CDH8: variants seen among roughly 807,000 people sequenced by gnomAD.
CDH8 encodes the protein cadherin 8, also known as cadherin-8.
A neutral mutation model predicts 68.1 loss-of-function variants in CDH8; 17 were observed. The ratio of observed to expected loss-of-function variants is 0.25; its 90% CI spans 0.17 to 0.37. The LOEUF (loss-of-function observed/expected upper bound fraction) is 0.37. Among genes scored for constraint, CDH8 ranks in the 10% least tolerant of loss-of-function variants. CDH8 has a pLI of 1.00. For synonymous variants in CDH8, 372 were observed against 365.1 expected, an observed-to-expected ratio of 1.02 and a Z score of -0.21; for missense variants, 763 against 999.3, an observed-to-expected ratio of 0.76 and a Z score of 3.19.
intron 2 of CDH8, among the ~76,000 whole-genome samples, chr16:61,919,352 C>T (rs1170302756): frequency 1.4e-5 from 2 of 147,980 alleles, no homozygotes; most frequent in African/African-American, 5.0e-5. Flanking sequence ...AGGCTTCAGA[C>T]GATCAAATTA....
chr16:61,995,096 C>T (rs182666251), intron 2 of CDH8, among the ~76,000 whole-genome samples: 2 of 152,086 alleles, frequency 1.3e-5, no homozygotes, highest in Non-Finnish European at 2.9e-5. Context: ...CCAAGGTACT[C>T]GCAGGTAAAA....
Position 61,747,154 on chromosome 16 carries a change from G to A in CDH8, c.1415-19939C>T, listed in dbSNP as rs115399229. On this transcript the variant is annotated intron_variant, in intron 8 of 11. Coordinates refer to ENST00000577390, the MANE Select transcript of CDH8 (RefSeq NM_001796.5). ...TGAATTAGTATCCATAAAATCATCC[G>A]TCCATCTATGCATGTTAGAAAGGTA... 8.6e-3 allele frequency among the ~76,000 whole-genome samples: 1,308 copies of A among 152,072 alleles called. 28 individuals carry two copies. Among genetic ancestry groups the A allele is most frequent in the African/African-American group, 0.029 (1,215 of 41,502 alleles).
At chr16:61,762,408 A>G (rs1417894535) in intron 8 of CDH8, among the ~76,000 whole-genome samples, 1 of 152,178 alleles carries the variant, frequency 6.6e-6, no homozygotes. Flanking sequence ...GAAAATAGAG[A>G]GTCTAAGTAA....
intron 8 of CDH8, among the ~76,000 whole-genome samples, chr16:61,732,144 T>A: frequency 6.6e-6 from 1 of 151,520 alleles, no homozygotes; most frequent in East Asian, 1.9e-4. Context: ...GTGTCATATA[T>A]GCATAATAGT....
chr16:61,787,731 C>T (rs1961262686), intron 8 of CDH8, among the ~76,000 whole-genome samples: 1 of 149,870 alleles, frequency 6.7e-6, no homozygotes, highest in Non-Finnish European at 1.5e-5. Flanking sequence ...GAAAATGTGG[C>T]ACATATACAT....
chr16:61,652,691 C>G lies in CDH8; in HGVS notation c.*917G>C. The G allele has an allele frequency of 8.1e-7, 1 of 1,232,232 alleles. No individual in the cohort carries two copies. Among genetic ancestry groups the G allele is most frequent in the Non-Finnish European group, 1.0e-6 (1 of 978,678 alleles). The allele number at this position is 1,232,232 out of a possible 1,614,324, so 76.3% of individuals were successfully genotyped here. A position where few individuals can be genotyped will look rare whatever the true frequency, so the allele number is the denominator to read the frequency against. On this transcript the variant is annotated 3_prime_UTR_variant, in exon 12 of 12. Coordinates refer to ENST00000577390, the MANE Select transcript of CDH8 (RefSeq NM_001796.5). Reference sequence around the variant, plus strand: ...TAATGGATATAATTTAGTTTTTTCCCATATATCCCCTTAATCTATAGATTA... The same window carrying G: ...TAATGGATATAATTTAGTTTTTTCCGATATATCCCCTTAATCTATAGATTA...
chr16:61,878,795 A>T (rs1180098074), intron 3 of CDH8, among the ~76,000 whole-genome samples: 3 of 152,218 alleles, frequency 2.0e-5, no homozygotes, highest in Admixed American at 2.0e-4. Context: ...TTTTACAAAT[A>T]ATCAGTAGGA....
intron 10 of CDH8, among the ~76,000 whole-genome samples, chr16:61,669,648 G>C (rs1251339583): frequency 6.6e-6 from 1 of 152,040 alleles, no homozygotes; most frequent in Admixed American, 6.6e-5. Context: ...TTATCCTCTT[G>C]TGGTGATCCT....
rs180799404 is a variant in CDH8, at chr16:61,929,977, T to C, written c.253-28504A>G. Among the ~76,000 whole-genome samples, 7 of 152,262 alleles carry C rather than the reference T, an allele frequency of 4.6e-5. No individual in the cohort carries two copies. The East Asian group carries it at 1.4e-3, about 29-fold the overall frequency. ...CCAAAAGCCAATATTAAATAAAGTA[T>C]AGTCATAAGTCAGTTTAACATACGC... On this transcript the variant is annotated intron_variant, in intron 2 of 11. Transcript: ENST00000577390.
At position 61,650,129 on chromosome 16, in the gene CDH8, T is replaced by C. The variant is rs1317334053; in HGVS notation, c.*3479A>G. The C allele has an allele frequency of 2.0e-5, 3 of 152,144 alleles. No individual in the cohort carries two copies. The highest frequency in any genetic ancestry group is 4.4e-5 in the Non-Finnish European group (3 of 68,026). 9.4% of individuals were successfully genotyped at this position (152,144 alleles called of 1,614,324 possible). ...CAAGGTTAACACTTGAATTTAAAAA[T>C]AGCATATTTTAGTCATCGTATTATA... On this transcript the variant is annotated 3_prime_UTR_variant, in exon 12 of 12. Transcript: ENST00000577390.
At chr16:61,686,046 T>C (rs1964099240) in intron 10 of CDH8, among the ~76,000 whole-genome samples, 2 of 151,978 alleles carry the variant, frequency 1.3e-5, no homozygotes, top group Admixed American at 6.6e-5. Flanking sequence ...TCCACATTGG[T>C]TATCTAATTT....
chr16:61,961,933 TTAAC>T (rs756163640), intron 2 of CDH8, among the ~76,000 whole-genome samples: 1 of 152,200 alleles, frequency 6.6e-6, no homozygotes, highest in African/African-American at 2.4e-5. Flanking sequence ...CCCAAAAAAC[TTAAC>T]TAATAGCCTT....
At chr16:61,684,101 C>T (rs1824050871) in intron 10 of CDH8, among the ~76,000 whole-genome samples, 2 of 151,958 alleles carry the variant, frequency 1.3e-5, no homozygotes, top group African/African-American at 4.8e-5. Flanking sequence ...CTTGATAATT[C>T]CCTTTTCCCC....
rs56213000 is a variant in CDH8 at position 61,669,679 on chromosome 16, C to A, written c.1655-13958G>T. ...ATCCTTGCCTTTCTAGTCTCTGCTCCCATACACTGTGGTCCGCTATGCCAT... is the reference window on the plus strand; with the variant it reads ...ATCCTTGCCTTTCTAGTCTCTGCTCACATACACTGTGGTCCGCTATGCCAT... On this transcript the variant is annotated intron_variant, in intron 10 of 11. Coordinates refer to ENST00000577390, the MANE Select transcript of CDH8 (RefSeq NM_001796.5). Among the ~76,000 whole-genome samples the A allele has an allele frequency of 2.0e-5, 3 of 151,894 alleles. 1 individual carries two copies. The highest frequency in any genetic ancestry group is 7.3e-5 in the African/African-American group (3 of 41,360).
intron 10 of CDH8, among the ~76,000 whole-genome samples, chr16:61,675,370 A>G (rs1032502258): frequency 4.1e-5 from 6 of 147,636 alleles, no homozygotes; most frequent in African/African-American, 1.5e-4. Flanking sequence ...AACACCGTAT[A>G]TTCTCACTCA....
At chr16:61,854,371 C>G (rs1038389775) in intron 4 of CDH8, among the ~76,000 whole-genome samples, 1 of 152,034 alleles carries the variant, frequency 6.6e-6, no homozygotes, top group African/African-American at 2.4e-5. Context: ...CAACATGAGA[C>G]TCCTTTTAAG....
chr16:61,906,799 C>G (rs1041416586), intron 2 of CDH8, among the ~76,000 whole-genome samples: 2 of 152,020 alleles, frequency 1.3e-5, no homozygotes, highest in African/African-American at 2.4e-5. Flanking sequence ...AAAATTATTC[C>G]CAGGGCCCTA....
At chr16:62,025,388 A>C (rs977602990) in intron 1 of CDH8, among the ~76,000 whole-genome samples, 1 of 146,724 alleles carries the variant, frequency 6.8e-6, no homozygotes, top group Non-Finnish European at 1.5e-5. Flanking sequence ...AGAGAAGAGC[A>C]TGTTTGATTT....
In CDH8 at chr16:62,008,284, T is replaced by C. The variant is rs553259203; in HGVS notation, c.252+12868A>G. Among the ~76,000 whole-genome samples the C allele has an allele frequency of 5.3e-5, 8 of 152,274 alleles. No individual in the cohort carries two copies. In the East Asian group the frequency reaches 1.5e-3, roughly 29 times the overall value. On this transcript the variant is annotated intron_variant, in intron 2 of 11. Coordinates refer to ENST00000577390, the MANE Select transcript of CDH8 (RefSeq NM_001796.5). ...CACTTGTAGTGTGACTTTTGCTTTG[T>C]ATTTTTGGATTTATGTCTCACCCTC...
Sources: allele counts gnomAD v4.1 joint callset (sites outside exome capture counted in the v4.1 genomes callset), GRCh38; gene constraint gnomAD v4.1.1; transcripts MANE v1.5; gene names NCBI Gene and HGNC (gene_info 2026-07-23, HGNC 2026-07-21).